The following DNM3 variants were observed in gnomAD, a reference collection of about 807,000 sequenced individuals.
DNM3 encodes the protein dynamin-3.
A neutral mutation model predicts 101.6 loss-of-function variants in DNM3; 47 were observed. The observed-to-expected ratio is 0.46, with a 90% CI of 0.37 to 0.59. DNM3 has a LOEUF of 0.59. DNM3 is among the 20% of genes least tolerant of loss of function. The pLI, the probability that DNM3 is intolerant of heterozygous loss-of-function variation, is 0.00. For synonymous variants in DNM3, 385 were observed against 387.9 expected (o/e 0.99, Z 0.09); for missense variants, 849 against 1,085.7 (o/e 0.78, Z 3.06).
At chr1:172,273,197 G>A (rs1247349521) in intron 15 of DNM3, among the ~76,000 whole-genome samples, 1 of 151,892 alleles carries the variant, frequency 6.6e-6, no homozygotes, top group Non-Finnish European at 1.5e-5. Flanking sequence ...TGCATTAGAT[G>A]CCTTCCTTCT....
chr1:171,929,865 G>A (rs982060537), intron 2 of DNM3, among the ~76,000 whole-genome samples: 2 of 152,234 alleles, frequency 1.3e-5, no homozygotes, highest in Non-Finnish European at 2.9e-5. Flanking sequence ...CAGCTGTGAT[G>A]TGCTGAAGGA....
chr1:172,320,238 G>A (rs1573456281), intron 16 of DNM3, among the ~76,000 whole-genome samples: 1 of 150,060 alleles, frequency 6.7e-6, no homozygotes, highest in Non-Finnish European at 1.5e-5. Flanking sequence ...GTTGTGGGGT[G>A]GGGGGATGGG....
chr1:172,360,880 C>A (rs1415169862), intron 17 of DNM3, among the ~76,000 whole-genome samples: 1 of 151,996 alleles, frequency 6.6e-6, no homozygotes, highest in Non-Finnish European at 1.5e-5. Context: ...ATCTACTTCA[C>A]ATAGCAGGTT....
rs1210202742 is a variant in DNM3 at position 172,315,381 on chromosome 1, G to A, written c.1881+6542G>A. 2.0e-5 allele frequency among the ~76,000 whole-genome samples: 3 copies of A among 152,240 alleles called. No homozygotes were observed. In the East Asian group the frequency reaches 5.8e-4, roughly 29 times the overall value. ...TCCTCACCAGCAACGGAACAAAGCT[G>A]GACATAGAATTACTTTGACGAGTTG... On this transcript the variant is annotated intron_variant, in intron 16 of 20. Coordinates refer to ENST00000627582, the MANE Select transcript of DNM3 (RefSeq NM_015569.5).
chr1:171,882,835 A>T (rs979204002), intron 1 of DNM3, among the ~76,000 whole-genome samples: 1 of 152,022 alleles, frequency 6.6e-6, no homozygotes, highest in Admixed American at 6.6e-5. Context: ...TAATTTGAAA[A>T]ACATGGAAAT....
At chr1:171,896,403 T>G (rs1430054599) in intron 1 of DNM3, among the ~76,000 whole-genome samples, 1 of 152,242 alleles carries the variant, frequency 6.6e-6, no homozygotes, top group Non-Finnish European at 1.5e-5. Context: ...TTGAAGCAAT[T>G]GTGAATGGGA....
At chr1:172,005,307 T>A (rs767861367) in intron 4 of DNM3, among the ~76,000 whole-genome samples, 7 of 151,148 alleles carry the variant, frequency 4.6e-5, no homozygotes, top group Non-Finnish European at 7.4e-5. Flanking sequence ...TAAAAATAAT[T>A]TGTTAAGTTG....
At position 172,388,092 on chromosome 1, in the gene DNM3, G is replaced by C. The variant is rs553105202; in HGVS notation, c.2286-481G>C. ...CTACTAAAAATACAAAAATTAGCTG[G>C]GGGTGGTGGCGCACACCTGTGATCC... On this transcript the variant is annotated intron_variant, in intron 19 of 20. Coordinates refer to ENST00000627582, the MANE Select transcript of DNM3 (RefSeq NM_015569.5). Among the ~76,000 whole-genome samples the C allele has an allele frequency of 3.8e-4, 58 of 152,144 alleles. 1 individual carries two copies. The highest frequency in any genetic ancestry group is 1.2e-3 in the African/African-American group (51 of 41,494).
At chr1:172,016,412 G>C (rs1470695284) in intron 4 of DNM3, among the ~76,000 whole-genome samples, 1 of 152,100 alleles carries the variant, frequency 6.6e-6, no homozygotes, top group African/African-American at 2.4e-5. Context: ...TCCTATTGAT[G>C]TGGTGGATTA....
chr1:171,854,695 G>T (rs1031550374), intron 1 of DNM3, among the ~76,000 whole-genome samples: 14 of 151,656 alleles, frequency 9.2e-5, no homozygotes, highest in African/African-American at 3.4e-4. Context: ...TCCTGCCTCA[G>T]CCTCCTGAAG....
intron 14 of DNM3, among the ~76,000 whole-genome samples, chr1:172,210,305 G>C (rs961854763): frequency 5.9e-5 from 8 of 136,494 alleles, no homozygotes; most frequent in Non-Finnish European, 1.1e-4. Context: ...TTAAGAGTAA[G>C]AGAGCGTGCT....
At chr1:172,192,739 G>C (rs920395678) in intron 14 of DNM3, among the ~76,000 whole-genome samples, 4 of 151,818 alleles carry the variant, frequency 2.6e-5, no homozygotes, top group African/African-American at 9.7e-5. Context: ...GTATTCCATG[G>C]TGTGTATGTG....
intron 17 of DNM3, among the ~76,000 whole-genome samples, chr1:172,345,977 C>T (rs1217783220): frequency 1.3e-5 from 2 of 151,716 alleles, no homozygotes; most frequent in Admixed American, 6.6e-5. Flanking sequence ...AAAAATTAGC[C>T]GGGCGTGCTT....
Position 172,354,112 on chromosome 1 carries a change from T to TGTGAGAGAGAGAGAGAGAGAGA in DNM3, c.1894-24905_1894-24904insTGAGAGAGAGAGAGAGAGAGAG, listed in dbSNP as rs138540712. On this transcript the variant is annotated intron_variant, in intron 17 of 20. Coordinates refer to ENST00000627582, the MANE Select transcript of DNM3 (RefSeq NM_015569.5). The stretch of plus-strand genomic sequence containing the variant: ...GGGTGTGTGTGTGTGTGTGTGTGTG[T>TGTGAGAGAGAGAGAGAGAGAGA]GAGAGAGAGAGAGAGAGAGAGAGAG... Among the ~76,000 whole-genome samples, 816 of 94,880 alleles carry TGTGAGAGAGAGAGAGAGAGAGA rather than the reference T, an allele frequency of 8.6e-3. 7 individuals carry two copies. Among genetic ancestry groups the TGTGAGAGAGAGAGAGAGAGAGA allele is most frequent in the Middle Eastern group, 0.019 (3 of 156 alleles). The allele number at this position is 94,880 out of a possible 152,430, so 62.2% of individuals were successfully genotyped here. A position where few individuals can be genotyped will look rare whatever the true frequency, so the allele number is the denominator to read the frequency against.
At chr1:171,938,929 T>A (rs1371333695) in intron 2 of DNM3, among the ~76,000 whole-genome samples, 3 of 152,202 alleles carry the variant, frequency 2.0e-5, no homozygotes, top group Non-Finnish European at 2.9e-5. Context: ...AATATTTGCA[T>A]AGCTTAATAG....
chr1:172,086,685 A>T (rs965377230), intron 12 of DNM3, among the ~76,000 whole-genome samples: 1 of 152,142 alleles, frequency 6.6e-6, no homozygotes, highest in African/African-American at 2.4e-5. Context: ...TGTGGGTCCT[A>T]CTTTATTGAC....
chr1:171,942,660 T>A (rs981512444), intron 2 of DNM3, among the ~76,000 whole-genome samples: 7 of 152,294 alleles, frequency 4.6e-5, no homozygotes, highest in African/African-American at 1.7e-4. Flanking sequence ...GTATTTTAGA[T>A]AATGTTAAAT....
chr1:172,026,509 A>C (rs942200649), intron 4 of DNM3, among the ~76,000 whole-genome samples: 6 of 152,190 alleles, frequency 3.9e-5, no homozygotes, highest in Non-Finnish European at 8.8e-5. Flanking sequence ...TAACCGTCAG[A>C]CTCACCAAAG....
intron 2 of DNM3, among the ~76,000 whole-genome samples, chr1:171,986,972 C>T (rs1391436150): frequency 6.6e-6 from 1 of 152,016 alleles, no homozygotes; most frequent in African/African-American, 2.4e-5. Context: ...TAGGATGTTA[C>T]TGAAAATTTA....
Sources: allele counts gnomAD v4.1 joint callset (sites outside exome capture counted in the v4.1 genomes callset), GRCh38; gene constraint gnomAD v4.1.1; transcripts MANE v1.5; gene names NCBI Gene and HGNC (gene_info 2026-07-23, HGNC 2026-07-21).